The following MEGF11 variants were observed in gnomAD, a reference collection of about 807,000 sequenced individuals.
MEGF11 encodes the protein multiple EGF like domains 11.
A neutral mutation model predicts 146.6 loss-of-function variants in MEGF11; 126 were observed. The observed-to-expected ratio is 0.86, with a 90% CI of 0.74 to 1.00. The LOEUF (loss-of-function observed/expected upper bound fraction) is 1.00, where lower values mean the gene tolerates loss of function less well. MEGF11 is among the 50% of genes least tolerant of loss of function. MEGF11 has a pLI of 0.00. For synonymous variants in MEGF11, 532 were observed against 583.4 expected, an observed-to-expected ratio of 0.91 and a Z score of 1.27; for missense variants, 1,509 against 1,521.2, an observed-to-expected ratio of 0.99 and a Z score of 0.13.
At chr15:66,124,151 C>G (rs941759152) in intron 2 of MEGF11, among the ~76,000 whole-genome samples, 151 bp from the exon 3 acceptor site, 5 of 152,196 alleles carry the variant, frequency 3.3e-5, no homozygotes, top group Admixed American at 2.6e-4. Context: ...TATCCTCCCC[C>G]TGCCCTGAAT....
At chr15:65,928,617 T>G in intron 12 of MEGF11, 90 bp from the exon 13 acceptor site, 1 of 882,106 alleles carries the variant, frequency 1.1e-6, no homozygotes, top group Non-Finnish European at 1.7e-6. Context: ...ATTTTTACTT[T>G]TGGAGGGTCC....
chr15:66,244,692 T>C (rs1296685849), intron 1 of MEGF11, among the ~76,000 whole-genome samples: 2 of 152,162 alleles, frequency 1.3e-5, no homozygotes, highest in African/African-American at 4.8e-5. Context: ...GTTAAAATCT[T>C]TCCTAAAAAT....
chr15:66,153,053 T>C (rs2089628277), intron 1 of MEGF11, among the ~76,000 whole-genome samples: 1 of 152,212 alleles, frequency 6.6e-6, no homozygotes, highest in East Asian at 1.9e-4. Flanking sequence ...TGTCCCCCAA[T>C]GGAGAGCCTT....
At chr15:66,145,156 G>C (rs1260983988) in intron 1 of MEGF11, among the ~76,000 whole-genome samples, 1 of 152,174 alleles carries the variant, frequency 6.6e-6, no homozygotes, top group Non-Finnish European at 1.5e-5. Context: ...GCTGAGAGCA[G>C]GCCCAAGCCC....
intron 7 of MEGF11, among the ~76,000 whole-genome samples, chr15:65,971,692 G>A (rs2081302596): frequency 6.6e-6 from 1 of 152,176 alleles, no homozygotes; most frequent in African/African-American, 2.4e-5. Context: ...GGTCCCATCA[G>A]TCAACACGCC....
At chr15:65,933,121 TGG>T (rs1381791947) in intron 10 of MEGF11, among the ~76,000 whole-genome samples, 1 of 152,148 alleles carries the variant, frequency 6.6e-6, no homozygotes, top group East Asian at 1.9e-4. Flanking sequence ...GTCTCGCCCT[TGG>T]GGGCAGGGAG....
chr15:65,930,208 A>G (rs1265775000), intron 11 of MEGF11, among the ~76,000 whole-genome samples: 1 of 152,068 alleles, frequency 6.6e-6, no homozygotes, highest in East Asian at 1.9e-4. Context: ...CCTCTGTTTG[A>G]GGGACGTCTG....
intron 24 of MEGF11, among the ~76,000 whole-genome samples, chr15:65,901,554 C>A (rs1458189638): frequency 6.6e-6 from 1 of 152,036 alleles, no homozygotes; most frequent in East Asian, 1.9e-4. Context: ...TGTTTTCCCT[C>A]ACTACGTGTC....
chr15:66,135,550 G>A (rs1366472306), intron 1 of MEGF11, among the ~76,000 whole-genome samples: 2 of 152,120 alleles, frequency 1.3e-5, no homozygotes, highest in East Asian at 3.9e-4. Context: ...TGCAGGAAGA[G>A]GCCTCTCCCT....
At chr15:65,935,172 T>C (rs901796782) in intron 10 of MEGF11, among the ~76,000 whole-genome samples, 2 of 151,532 alleles carry the variant, frequency 1.3e-5, no homozygotes, top group African/African-American at 4.8e-5. Flanking sequence ...ACAAAAAAAT[T>C]AGCTGGGCGT....
Position 66,122,113 on chromosome 15 carries a change from A to G in MEGF11, c.200+1786T>C, listed in dbSNP as rs1223820892. ...CCCCATCTCTACTAAAAATACAAAA[A>G]TTAGAAGGGTGTGGTGGTGGGTGCC... On this transcript the variant is annotated intron_variant, in intron 3 of 25. Transcript: ENST00000395614. 3.3e-5 allele frequency among the ~76,000 whole-genome samples: 5 copies of G among 152,100 alleles called. No individual in the cohort carries two copies. The South Asian group carries it at 1.0e-3, about 32-fold the overall frequency.
intron 1 of MEGF11, among the ~76,000 whole-genome samples, chr15:66,165,610 G>A (rs547529554): frequency 1.3e-5 from 2 of 152,208 alleles, no homozygotes; most frequent in Admixed American, 1.3e-4. Context: ...CCCCTTTTGG[G>A]CCTCGCCTCC....
intron 1 of MEGF11, among the ~76,000 whole-genome samples, chr15:66,244,395 C>A (rs2092264110): frequency 6.6e-6 from 1 of 152,138 alleles, no homozygotes; most frequent in African/African-American, 2.4e-5. Flanking sequence ...CTGCTAGAAT[C>A]TAGAGGTTCC....
rs746146558 is a variant in MEGF11, at chr15:65,922,877, C to T, written c.1768G>A (p.Glu590Lys). The change falls in exon 14 of 26, where the codon GAG becomes AAG. Residue 590 changes from glutamate to lysine, a missense_variant. Transcript: ENST00000395614. ...GGGGCACACTCGCAGCTCCCATCCT[C>T]TGGGGAGCAGGAGCCTCCATTCTCA... is the stretch of plus-strand genomic sequence containing the variant. ...SCENGGSCSP[E>K]DGSCECAPGF... 2 of 1,613,474 alleles carry T rather than the reference C, an allele frequency of 1.2e-6. No homozygotes were observed. The highest frequency in any genetic ancestry group is 8.5e-7 in the Non-Finnish European group (1 of 1,179,760).
chr15:65,960,775 A>G (rs1248914478), intron 9 of MEGF11, among the ~76,000 whole-genome samples: 1 of 152,174 alleles, frequency 6.6e-6, no homozygotes, highest in Non-Finnish European at 1.5e-5. Flanking sequence ...TGAGGGCACC[A>G]CCTGGTGAAA....
intron 5 of MEGF11, among the ~76,000 whole-genome samples, chr15:66,040,004 G>A (rs1399861769): frequency 2.7e-5 from 4 of 150,024 alleles, no homozygotes; most frequent in South Asian, 2.1e-4. Context: ...GTCAGGCGGC[G>A]GTGGGGTGAC....
chr15:65,935,649 A>G (rs139385093), intron 10 of MEGF11, among the ~76,000 whole-genome samples: 1 of 152,314 alleles, frequency 6.6e-6, no homozygotes, highest in African/African-American at 2.4e-5. Context: ...CTAATAGCAA[A>G]AAGTCCAAAT....
chr15:66,181,840 A>G (rs1224138255), intron 1 of MEGF11, among the ~76,000 whole-genome samples: 1 of 152,196 alleles, frequency 6.6e-6, no homozygotes, highest in African/African-American at 2.4e-5. Context: ...ACAGTAGTCC[A>G]GAGGAACTGA....
At chr15:66,236,988 C>CA (rs1318961495) in intron 1 of MEGF11, among the ~76,000 whole-genome samples, 1 of 152,208 alleles carries the variant, frequency 6.6e-6, no homozygotes, top group Non-Finnish European at 1.5e-5. Flanking sequence ...GCCACTCCCT[C>CA]ACCCAGCACC....
Sources: gnomAD v4.1 joint callset for allele counts (sites outside exome capture counted in the v4.1 genomes callset) on GRCh38, gnomAD v4.1.1 for gene constraint, MANE v1.5 for transcripts, NCBI Gene and HGNC (gene_info 2026-07-23, HGNC 2026-07-21) for gene names.